PUDP: variants seen among roughly 807,000 people sequenced by gnomAD.
PUDP encodes the protein pseudouridine 5'-phosphatase.
PUDP carries 8 observed loss-of-function variants against 9.4 expected under a neutral mutation model. The observed-to-expected ratio is 0.85, with a 90% CI of 0.50 to 1.53. PUDP has a LOEUF of 1.53. PUDP is among the 40% of genes most tolerant of loss of function. The probability of loss-of-function intolerance (pLI) is 0.00; values close to 1 mark genes in which losing one functional copy is unlikely to be tolerated. For synonymous variants in PUDP, 99 were observed against 80.7 expected (o/e 1.23, Z -1.22); for missense variants, 188 against 189.7 (o/e 0.99, Z 0.05).
intron 1 of PUDP, among the ~76,000 whole-genome samples, chrX:7,120,884 TA>T: frequency 8.9e-6 from 1 of 111,881 alleles, no homozygotes. Flanking sequence ...GAAGCCAGAT[TA>T]AAAAAAGAAC....
chrX:7,076,549 C>A (rs1177239574), intron 3 of PUDP, among the ~76,000 whole-genome samples: 2 of 111,728 alleles, frequency 1.8e-5, no homozygotes, highest in Non-Finnish European at 3.8e-5. Context: ...AAGCGGTCGG[C>A]TCTCTAAACG....
chrX:7,130,390 C>T (rs1391445314), intron 1 of PUDP, among the ~76,000 whole-genome samples: 3 of 110,621 alleles, frequency 2.7e-5, no homozygotes. Flanking sequence ...CACACACACA[C>T]ACAAAAGGAG....
chrX:7,059,606 C>A (rs1212439781), intron 3 of PUDP, among the ~76,000 whole-genome samples: 4 of 111,777 alleles, frequency 3.6e-5, no homozygotes, highest in Non-Finnish European at 5.6e-5. Flanking sequence ...TAGCCATGTA[C>A]GGGATTAAAA....
At chrX:7,004,368 A>G (rs1010340691) in intron 1 of PUDP, among the ~76,000 whole-genome samples, 11 of 111,469 alleles carry the variant, frequency 9.9e-5, no homozygotes, top group African/African-American at 3.6e-4. Context: ...ATAGTAAGCC[A>G]ACTTTAAACC....
intron 1 of PUDP, among the ~76,000 whole-genome samples, chrX:7,114,135 C>T (rs763683389): frequency 1.2e-3 from 129 of 111,298 alleles, no homozygotes; most frequent in African/African-American, 4.0e-3. Context: ...AGTGCAAAGG[C>T]GTGATCTCAG....
intron 3 of PUDP, among the ~76,000 whole-genome samples, chrX:6,730,248 A>T (rs1475981168): frequency 8.9e-6 from 1 of 112,165 alleles, no homozygotes; most frequent in Non-Finnish European, 1.9e-5. Flanking sequence ...CCCACTGATG[A>T]TGCTGACATG....
intron 3 of PUDP, among the ~76,000 whole-genome samples, chrX:6,906,727 TAAAAC>T (rs770070082): frequency 9.0e-6 from 1 of 111,407 alleles, no homozygotes; most frequent in Admixed American, 9.5e-5. Flanking sequence ...GGGGGAAAAG[TAAAAC>T]AAAACAAAAC....
intron 3 of PUDP, among the ~76,000 whole-genome samples, chrX:6,758,556 T>C (rs1925195741): frequency 8.9e-6 from 1 of 111,801 alleles, no homozygotes; most frequent in African/African-American, 3.3e-5. Flanking sequence ...ACATTCTTAA[T>C]GCAACCAAGG....
At chrX:7,023,003 A>G (rs755227737) in intron 1 of PUDP, among the ~76,000 whole-genome samples, 5 of 111,295 alleles carry the variant, frequency 4.5e-5, no homozygotes, top group Non-Finnish European at 9.4e-5. Context: ...AATAGAGAAA[A>G]TAGTGCATGG....
chrX:7,096,232 A>C lies in PUDP; in HGVS notation c.280+9388T>G, dbSNP rs564239380. Among the ~76,000 whole-genome samples the C allele has an allele frequency of 2.7e-5, 3 of 111,720 alleles. No individual in the cohort carries two copies. In the South Asian group the frequency reaches 1.1e-3, roughly 42 times the overall value. ...AATTGACTAACAATTTAATTAAAGC[A>C]TTTGGGATTTCTGTCCCATTAATCT... On this transcript the variant is annotated intron_variant, in intron 2 of 3. Coordinates refer to ENST00000381077, the MANE Select transcript of PUDP (RefSeq NM_012080.5).
chrX:6,981,679 T>C (rs1207558212), intron 1 of PUDP, among the ~76,000 whole-genome samples: 1 of 111,403 alleles, frequency 9.0e-6, no homozygotes, highest in Non-Finnish European at 1.9e-5. Flanking sequence ...TCATATATTT[T>C]ACTTCTTGGG....
chrX:7,104,332 T>C (rs754550491), intron 2 of PUDP, among the ~76,000 whole-genome samples: 1 of 111,772 alleles, frequency 8.9e-6, no homozygotes, highest in East Asian at 2.8e-4. Context: ...ATTCTCCTTA[T>C]TTGAGGTATG....
chrX:7,125,524 T>A (rs761075459), intron 1 of PUDP, among the ~76,000 whole-genome samples: 12 of 111,635 alleles, frequency 1.1e-4, no homozygotes, highest in African/African-American at 2.6e-4. Context: ...TATTTAAAGA[T>A]CATCTTTCCT....
intron 3 of PUDP, among the ~76,000 whole-genome samples, chrX:6,802,976 AT>A (rs1427129009): frequency 2.7e-4 from 1 of 3,682 alleles, no homozygotes; most frequent in Non-Finnish European, 4.3e-4. Flanking sequence ...TAAAATAAAA[AT>A]ATAAAATAAA....
At chrX:6,864,989 T>C (rs1927057102) in intron 3 of PUDP, among the ~76,000 whole-genome samples, 1 of 112,134 alleles carries the variant, frequency 8.9e-6, no homozygotes, top group Non-Finnish European at 1.9e-5. Context: ...AGAGGTGTCA[T>C]TATTTTGTCA....
intron 1 of PUDP, 94 bp downstream of exon 1, chrX:7,147,959 C>T (rs1932910059): frequency 4.4e-6 from 3 of 688,858 alleles, no homozygotes; most frequent in Non-Finnish European, 6.5e-6. Context: ...CACCGCCCCG[C>T]CGCGGCCCCC....
chrX:6,877,620 G>A, intron 3 of PUDP, among the ~76,000 whole-genome samples: 1 of 111,629 alleles, frequency 9.0e-6, no homozygotes. Flanking sequence ...CATTGATTCA[G>A]CCAGTTCAAT....
intron 3 of PUDP, among the ~76,000 whole-genome samples, chrX:6,748,910 T>C (rs1320094892): frequency 9.0e-6 from 1 of 111,340 alleles, no homozygotes; most frequent in African/African-American, 3.3e-5. Context: ...GAGAGCTAAT[T>C]CATCTGCAGA....
chrX:6,720,524 G>A (rs2146655101), intron 1 of PUDP, among the ~76,000 whole-genome samples: 1 of 106,067 alleles, frequency 9.4e-6, no homozygotes, highest in South Asian at 4.3e-4. Flanking sequence ...CTGGAGAGAT[G>A]TTGGTCAAAG....
Sources: gnomAD v4.1 joint callset for allele counts (sites outside exome capture counted in the v4.1 genomes callset) on GRCh38, gnomAD v4.1.1 for gene constraint, MANE v1.5 for transcripts, NCBI Gene and HGNC (gene_info 2026-07-23, HGNC 2026-07-21) for gene names.